PCDHGC3: variants seen among roughly 807,000 people sequenced by gnomAD.
PCDHGC3 encodes protocadherin gamma-C3.
In PCDHGC3, 26 loss-of-function variants were observed where a neutral mutation model predicts 59.2. The observed-to-expected ratio is 0.44, with a 90% CI of 0.32 to 0.61. The LOEUF (loss-of-function observed/expected upper bound fraction) is 0.61, where lower values mean the gene tolerates loss of function less well. PCDHGC3 is among the 20% of genes least tolerant of loss of function. The pLI, the probability that PCDHGC3 is intolerant of heterozygous loss-of-function variation, is 0.05. For synonymous variants in PCDHGC3, 487 were observed against 519.7 expected (o/e 0.94, Z 0.86); for missense variants, 1,080 against 1,221.8 (o/e 0.88, Z 1.73).
chr5:141,484,709 C>G (rs1223957454), intron 1 of PCDHGC3, among the ~76,000 whole-genome samples: 1 of 151,072 alleles, frequency 6.6e-6, no homozygotes, highest in Non-Finnish European at 1.5e-5. Context: ...TTTTCCCCGC[C>G]GAAAAGGGGC....
chr5:141,477,874 T>G lies in PCDHGC3; in HGVS notation c.1758T>G (p.Ala586=). The change falls in exon 1 of 4, where the codon GCT becomes GCG. Residue 586 remains alanine, a synonymous_variant. Coordinates refer to ENST00000308177, the MANE Select transcript of PCDHGC3 (RefSeq NM_002588.4). This position sits in a 1 kb window ranked among gnomAD's most constrained non-coding sequence, Gnocchi z 4.9. ...AGATGCTGCCTCGAGGTACCTCAGC[T>G]GGCCACCTAGTGTCACGGGTGGTAG... ...SVEMLPRGTS[A]GHLVSRVVGW... is the part of the protein sequence containing the mutation. 1 of 1,614,176 alleles carries G rather than the reference T, an allele frequency of 6.2e-7. No individual in the cohort carries two copies. The highest frequency in any genetic ancestry group is 8.5e-7 in the Non-Finnish European group (1 of 1,180,028).
In PCDHGC3 at chr5:141,493,548, G is replaced by A. The variant is rs1243278355; in HGVS notation, c.2431-1259G>A. 3.9e-5 allele frequency among the ~76,000 whole-genome samples: 6 copies of A among 152,196 alleles called. No homozygotes were observed. ...AAACTTGGCCAGTTATCCTTTTGGA[G>A]ATTGAGTTCCCCCAGCTCCGTTTCC... On this transcript the variant is annotated intron_variant, in intron 1 of 3. Coordinates refer to ENST00000308177, the MANE Select transcript of PCDHGC3 (RefSeq NM_002588.4). This position sits in a 1 kb window ranked among gnomAD's most constrained non-coding sequence, Gnocchi z 4.3.
intron 2 of PCDHGC3, among the ~76,000 whole-genome samples, chr5:141,502,625 T>G (rs2099815384): frequency 6.6e-6 from 1 of 152,210 alleles, no homozygotes; most frequent in Admixed American, 6.5e-5. Context: ...ATAAGTAATC[T>G]GTGGATGATA....
intron 1 of PCDHGC3, among the ~76,000 whole-genome samples, chr5:141,492,886 C>A (rs1479930324): frequency 6.6e-6 from 1 of 152,178 alleles, no homozygotes; most frequent in African/African-American, 2.4e-5. Context: ...GAGATACAGG[C>A]TTTTGGCGCC....
intron 2 of PCDHGC3, among the ~76,000 whole-genome samples, chr5:141,504,128 G>A (rs914138294): frequency 2.6e-5 from 4 of 151,992 alleles, no homozygotes; most frequent in African/African-American, 9.7e-5. Context: ...GCTGTTTCCC[G>A]CCAACACTCC....
rs1027897777 is a variant in PCDHGC3, at chr5:141,510,812, C to T, written c.2579-135C>T. 151 of 1,531,674 alleles carry T rather than the reference C, an allele frequency of 9.9e-5. 1 individual carries two copies. The highest frequency in any genetic ancestry group is 2.5e-5 in the South Asian group (2 of 80,152). 94.9% of individuals were successfully genotyped at this position (1,531,674 alleles called of 1,614,324 possible). A position where few individuals can be genotyped will look rare whatever the true frequency, so the allele number is the denominator to read the frequency against. On this transcript the variant is annotated intron_variant, in intron 3 of 3. Coordinates refer to ENST00000308177, the MANE Select transcript of PCDHGC3 (RefSeq NM_002588.4). ...TGTGAAGAGAGACTACCTTGGTGAC[C>T]CCTATATTCCCAGTGCTCAGCGTGG...
In PCDHGC3 at chr5:141,490,639, C is replaced by T. The variant is rs1345892739; in HGVS notation, c.2431-4168C>T. 25 of 1,614,200 alleles carry T rather than the reference C, an allele frequency of 1.5e-5. No homozygotes were observed. Among genetic ancestry groups the T allele is most frequent in the East Asian group, 2.2e-5 (1 of 44,878 alleles). ...TTACACTGCTTACATCCTAGAAAAC[C>T]GGCCTCCGGGCTCCCTTCTTTGCAC... On this transcript the variant is annotated intron_variant, in intron 1 of 3. Transcript: ENST00000308177. This position sits in a 1 kb window ranked among gnomAD's most constrained non-coding sequence, Gnocchi z 5.4.
At chr5:141,510,272 TAA>T (rs546154379) in intron 3 of PCDHGC3, among the ~76,000 whole-genome samples, 46 of 130,286 alleles carry the variant, frequency 3.5e-4, no homozygotes, top group South Asian at 5.0e-4. Context: ...GACTCCATCT[TAA>T]AAAAAAAAAA....
chr5:141,480,145 C>A (rs1331658762), intron 1 of PCDHGC3, among the ~76,000 whole-genome samples: 1 of 151,968 alleles, frequency 6.6e-6, no homozygotes, highest in Non-Finnish European at 1.5e-5. Context: ...CAATTATTAG[C>A]CAGCTCCTAG....
rs755163825 is a variant in PCDHGC3, at chr5:141,491,048, C to A, written c.2431-3759C>A. 6.2e-6 allele frequency: 10 copies of A among 1,613,948 alleles called. No individual in the cohort carries two copies. Among genetic ancestry groups the A allele is most frequent in the Non-Finnish European group, 7.6e-6 (9 of 1,179,960 alleles). ...GTGGATGCTGATGCAGGCCACAATG[C>A]GTGGCTCTCCTACTCACTGTTGCCA... On this transcript the variant is annotated intron_variant, in intron 1 of 3. Coordinates refer to ENST00000308177, the MANE Select transcript of PCDHGC3 (RefSeq NM_002588.4). The surrounding 1 kb of genome is among the most constrained non-coding windows in gnomAD (Gnocchi z 6.9).
Position 141,476,387 on chromosome 5 carries a change from C to G in PCDHGC3, c.271C>G (p.Arg91Gly), listed in dbSNP as rs147660262. ...RETGEMFVND[R>G]LDREELCGTL... Reference sequence around the variant, plus strand: ...GACCGGAGAGATGTTTGTGAACGACCGTCTGGATCGAGAGGAGCTGTGTGG... The same window carrying G: ...GACCGGAGAGATGTTTGTGAACGACGGTCTGGATCGAGAGGAGCTGTGTGG... The change falls in exon 1 of 4, where the codon CGT becomes GGT. Residue 91 changes from arginine (R) to glycine (G), a missense_variant. By Grantham distance (125) the Arg-to-Gly change is moderately radical (BLOSUM62 -2). Coordinates refer to ENST00000308177, the MANE Select transcript of PCDHGC3 (RefSeq NM_002588.4). The surrounding 1 kb of genome is among the most constrained non-coding windows in gnomAD (Gnocchi z 7.6). 3.6e-4 allele frequency: 587 copies of G among 1,614,076 alleles called. No individual in the cohort carries two copies. The highest frequency in any genetic ancestry group is 4.7e-4 in the Non-Finnish European group (549 of 1,180,024).
chr5:141,494,468 C>G (rs2099754577), intron 1 of PCDHGC3, among the ~76,000 whole-genome samples: 1 of 152,136 alleles, frequency 6.6e-6, no homozygotes, highest in East Asian at 1.9e-4. Context: ...TGCACCTCTT[C>G]CCCCAGTTCC....
In PCDHGC3 at chr5:141,478,477, C is replaced by T; in HGVS notation, c.2361C>T (p.Asn787=). Residue 787 remains asparagine, a synonymous_variant, in exon 1 of 4, where the codon AAC becomes AAT. Transcript: ENST00000308177. ...CCAGTCCACTGGCCAGCCGCCAGAA[C>T]ACGCTGCGGAGCTGTGATCCGGTGT... is the stretch of plus-strand genomic sequence containing the variant. ...GAASPLASRQ[N]TLRSCDPVFY... 1 of 1,613,796 alleles carries T rather than the reference C, an allele frequency of 6.2e-7. No homozygotes were observed. The highest frequency in any genetic ancestry group is 8.5e-7 in the Non-Finnish European group (1 of 1,179,880).
intron 2 of PCDHGC3, among the ~76,000 whole-genome samples, chr5:141,504,689 G>A (rs1395389800): frequency 6.6e-6 from 1 of 151,502 alleles, no homozygotes; most frequent in South Asian, 2.1e-4. Context: ...TAAAATAGGA[G>A]GGGCAGGTTC....
chr5:141,506,435 G>A (rs1470687416), intron 3 of PCDHGC3, among the ~76,000 whole-genome samples: 7 of 126,234 alleles, frequency 5.5e-5, no homozygotes, highest in African/African-American at 2.0e-4. Context: ...CAACAGTCTC[G>A]CTCTGTCTCA....
In PCDHGC3 at chr5:141,476,877, T is replaced by C. The variant is rs2099400648; in HGVS notation, c.761T>C (p.Leu254Pro). ...CAGTCCTTGTACCGGGCGCGCGTCC[T>C]GGAGGATGCACCCTCCGGCACGCGC... ...FNQSLYRARV[L>P]EDAPSGTRVV... is the part of the protein sequence containing the mutation. Residue 254 changes from leucine (L) to proline (P), a missense_variant, in exon 1 of 4, where the codon CTG becomes CCG. Transcript: ENST00000308177. This position sits in a 1 kb window ranked among gnomAD's most constrained non-coding sequence, Gnocchi z 7.6. 4.3e-6 allele frequency: 7 copies of C among 1,613,954 alleles called. No homozygotes were observed. The highest frequency in any genetic ancestry group is 5.9e-6 in the Non-Finnish European group (7 of 1,180,038).
chr5:141,502,373 C>A (rs2099813965), intron 2 of PCDHGC3, among the ~76,000 whole-genome samples: 1 of 151,806 alleles, frequency 6.6e-6, no homozygotes, highest in African/African-American at 2.4e-5. Context: ...TTAAAGAGTC[C>A]AGGCCAGTTG....
At chr5:141,500,475 C>T (rs1193752670) in intron 2 of PCDHGC3, among the ~76,000 whole-genome samples, 1 of 152,024 alleles carries the variant, frequency 6.6e-6, no homozygotes, top group African/African-American at 2.4e-5. Flanking sequence ...TCCCAAAGTG[C>T]TGGGATTACA....
intron 1 of PCDHGC3, among the ~76,000 whole-genome samples, chr5:141,480,187 T>TGAGGCCAGCAGTTC (rs2099513839): frequency 6.6e-6 from 1 of 151,380 alleles, no homozygotes; most frequent in Admixed American, 6.6e-5. Context: ...GCGGATTGCT[T>TGAGGCCAGCAGTTC]GAGGCCAGCA....
Sources: gnomAD v4.1 joint callset for allele counts (sites outside exome capture counted in the v4.1 genomes callset) on GRCh38, gnomAD v4.1.1 for gene constraint, Gnocchi (gnomAD v3.1) non-coding constraint, MANE v1.5 for transcripts, NCBI Gene and HGNC (gene_info 2026-07-23, HGNC 2026-07-21) for gene names.